Variants in FER1L6 observed in about 807,000 individuals in gnomAD.
The protein encoded by FER1L6 is fer-1-like protein 6.
A neutral mutation model predicts 219.2 loss-of-function variants in FER1L6; 177 were observed. The ratio of observed to expected loss-of-function variants is 0.81; its 90% CI spans 0.71 to 0.91. The LOEUF (loss-of-function observed/expected upper bound fraction) is 0.91, where lower values mean the gene tolerates loss of function less well. Among genes scored for constraint, FER1L6 ranks in the 40% least tolerant of loss-of-function variants. FER1L6 has a pLI of 0.00. For synonymous variants in FER1L6, 768 were observed against 824.3 expected (o/e 0.93, Z 1.17); for missense variants, 2,153 against 2,259.9 (o/e 0.95, Z 0.96).
At chr8:123,892,561 G>T (rs28844969) in intron 1 of FER1L6, among the ~76,000 whole-genome samples, 2 of 151,950 alleles carry the variant, frequency 1.3e-5, no homozygotes, top group Non-Finnish European at 2.9e-5. Context: ...AAAGTGCTGG[G>T]ATTAGAGGCG....
chr8:123,877,482 G>T (rs1448290690), intron 1 of FER1L6, among the ~76,000 whole-genome samples: 1 of 152,172 alleles, frequency 6.6e-6, no homozygotes, highest in Non-Finnish European at 1.5e-5. Flanking sequence ...GGAGCCTGCA[G>T]CTGGCAGCAC....
chr8:124,088,969 G>A (rs1372673589), intron 33 of FER1L6, among the ~76,000 whole-genome samples: 1 of 152,068 alleles, frequency 6.6e-6, no homozygotes, highest in East Asian at 1.9e-4. Context: ...TAGGGGAGAG[G>A]TGGTGCGAGC....
Position 124,070,601 on chromosome 8 carries a change from A to T in FER1L6, c.3966+3A>T. The stretch of plus-strand genomic sequence containing the variant: ...ACCGAGTCATAGGAAAATTTAAGGC[A>T]GGTTCCATTTTTAATCCTTTTATTT... On this transcript the variant is annotated splice_donor_region_variant and intron_variant, in intron 30 of 40. Transcript: ENST00000522917. The T allele has an allele frequency of 6.3e-7, 1 of 1,575,888 alleles. No individual in the cohort carries two copies. The highest frequency in any genetic ancestry group is 1.2e-5 in the South Asian group (1 of 83,814).
At chr8:123,929,586 G>A (rs189513862) in intron 1 of FER1L6, among the ~76,000 whole-genome samples, 147 of 152,214 alleles carry the variant, frequency 9.7e-4, no homozygotes, top group Admixed American at 1.8e-3. Context: ...CCTCTTTCTG[G>A]GGCCGGTGGT....
At chr8:124,040,267 C>T (rs6995745) in intron 20 of FER1L6, among the ~76,000 whole-genome samples, 105 of 152,284 alleles carry the variant, frequency 6.9e-4, no homozygotes, top group African/African-American at 2.4e-3. Context: ...AGGAATGAGG[C>T]GGAGAAGGCT....
chr8:124,115,165 T>C (rs73332237), intron 39 of FER1L6, among the ~76,000 whole-genome samples: 8,202 of 150,988 alleles, frequency 0.054, 741 homozygotes, highest in African/African-American at 0.19. Context: ...AGGAGCTTTT[T>C]TTATTGTCTC....
At chr8:124,010,405 C>T (rs928603179) in intron 13 of FER1L6, among the ~76,000 whole-genome samples, 189 bp from the exon 14 acceptor site, 2 of 152,134 alleles carry the variant, frequency 1.3e-5, no homozygotes, top group African/African-American at 4.8e-5. Flanking sequence ...CCATTGTAGC[C>T]ATCTAACTGT....
At chr8:124,027,538 G>T (rs190246510) in intron 18 of FER1L6, among the ~76,000 whole-genome samples, 15 of 150,662 alleles carry the variant, frequency 1.0e-4, no homozygotes, top group African/African-American at 3.7e-4. Flanking sequence ...GAGGCTCTCC[G>T]TGTTATTTTC....
intron 1 of FER1L6, among the ~76,000 whole-genome samples, chr8:123,931,573 A>G (rs928979504): frequency 3.0e-4 from 46 of 152,380 alleles, no homozygotes; most frequent in African/African-American, 9.9e-4. Flanking sequence ...GCAATAGGCC[A>G]GTGCAGGAAA....
chr8:124,016,185 G>T (rs553796580), intron 15 of FER1L6: 1 of 152,368 alleles, frequency 6.6e-6, no homozygotes, highest in South Asian at 2.1e-4. Flanking sequence ...TCTGGAGAGT[G>T]AAATGGAATT....
chr8:123,991,912 A>G (rs1816878603), intron 12 of FER1L6, among the ~76,000 whole-genome samples: 1 of 152,074 alleles, frequency 6.6e-6, no homozygotes, highest in Non-Finnish European at 1.5e-5. Flanking sequence ...TTTAAATCAT[A>G]AAATGATGCT....
At chr8:123,856,024 CAT>C (rs1491124432) in intron 1 of FER1L6, among the ~76,000 whole-genome samples, 1 of 138,698 alleles carries the variant, frequency 7.2e-6, no homozygotes. Context: ...TATGTATATA[CAT>C]ATGTATATGA....
chr8:124,104,922 G>C (rs1822702912), intron 39 of FER1L6, among the ~76,000 whole-genome samples: 1 of 152,124 alleles, frequency 6.6e-6, no homozygotes. Flanking sequence ...GAGTAATACA[G>C]ACAAGGTCTC....
intron 22 of FER1L6, among the ~76,000 whole-genome samples, chr8:124,056,919 T>C (rs1269333759): frequency 1.3e-5 from 2 of 151,948 alleles, no homozygotes; most frequent in East Asian, 1.9e-4. Flanking sequence ...TGGCGTGCAA[T>C]TGTAATCCCA....
intron 1 of FER1L6, among the ~76,000 whole-genome samples, chr8:123,898,999 C>T (rs913415551): frequency 4.0e-5 from 6 of 151,702 alleles, no homozygotes; most frequent in African/African-American, 9.7e-5. Flanking sequence ...ATAATGACGT[C>T]TTTTCCTCTG....
chr8:124,072,216 T>C (rs1169879469), intron 31 of FER1L6, among the ~76,000 whole-genome samples: 2 of 152,204 alleles, frequency 1.3e-5, no homozygotes, highest in Non-Finnish European at 2.9e-5. Flanking sequence ...AGGGCAGCTG[T>C]TACTGTGAAA....
chr8:124,056,159 ATACT>A (rs1160559285), intron 22 of FER1L6, among the ~76,000 whole-genome samples: 2 of 152,182 alleles, frequency 1.3e-5, no homozygotes, highest in East Asian at 3.9e-4. Context: ...TTAAGGTAAC[ATACT>A]TACAGGTTCT....
chr8:123,930,568 T>C (rs16899083), intron 1 of FER1L6, among the ~76,000 whole-genome samples: 59,367 of 151,910 alleles, frequency 0.39, 12,234 homozygotes, highest in South Asian at 0.52. Context: ...CTTGGATGGG[T>C]GAGCACAGTG....
Position 123,973,492 on chromosome 8 carries a change from G to A in FER1L6, c.506G>A (p.Gly169Glu), listed in dbSNP as rs1586538427. 6.2e-7 allele frequency: 1 copy of A among 1,613,910 alleles called. No homozygotes were observed. ...VLIGSFKVDLGTVYNQPGHQF... is the reference protein window; with the variant it reads ...VLIGSFKVDLETVYNQPGHQF... ...ATTGGCTCTTTCAAAGTAGACCTGG[G>A]GACCGTGTACAACCAACCTGGTAAG... Residue 169 changes from glycine to glutamate, a missense_variant, in exon 7 of 41, where the codon GGG becomes GAG. Gly to Glu is a moderately conservative substitution (Grantham distance 98). Transcript: ENST00000522917.
Sources: gnomAD v4.1 joint callset for allele counts (sites outside exome capture counted in the v4.1 genomes callset) on GRCh38, gnomAD v4.1.1 for gene constraint, MANE v1.5 for transcripts, NCBI Gene and HGNC (gene_info 2026-07-23, HGNC 2026-07-21) for gene names.